BRWD1: variants seen among roughly 807,000 people sequenced by gnomAD.
BRWD1 encodes the protein bromodomain and WD repeat-containing protein 1.
BRWD1 carries 82 observed loss-of-function variants against 251.2 expected under a neutral mutation model. The observed-to-expected ratio is 0.33, with a 90% confidence interval of 0.27 to 0.39. The LOEUF (loss-of-function observed/expected upper bound fraction) is 0.39, where lower values mean the gene tolerates loss of function less well. BRWD1 is among the 10% of genes least tolerant of loss of function. BRWD1 has a pLI of 1.00. For synonymous variants in BRWD1, 918 were observed against 902.8 expected (o/e 1.02, Z -0.30); for missense variants, 2,233 against 2,711.6 (o/e 0.82, Z 3.92).
chr21:39,229,461 G>A, intron 25 of BRWD1, 25 bp from the exon 26 acceptor site: 1 of 1,577,642 alleles, frequency 6.3e-7, no homozygotes, highest in Non-Finnish European at 8.7e-7. Flanking sequence ...TTTTTTAATG[G>A]TTAAAATAAA....
intron 37 of BRWD1, among the ~76,000 whole-genome samples, chr21:39,205,001 C>T (rs577503511): frequency 6.6e-6 from 1 of 152,230 alleles, no homozygotes; most frequent in South Asian, 2.1e-4. Flanking sequence ...ACAAATGACA[C>T]TTTAAATAAT....
chr21:39,320,388 G>A (rs2036735607), intron 1 of BRWD1, among the ~76,000 whole-genome samples: 1 of 152,116 alleles, frequency 6.6e-6, no homozygotes, highest in East Asian at 1.9e-4. Context: ...AGGGTGGAGT[G>A]CAGTAGTGCA....
chr21:39,188,427 C>CT lies in BRWD1; in HGVS notation c.*7831dup. 1.0e-6 allele frequency: 1 copy of CT among 985,344 alleles called. No individual in the cohort carries two copies. Among genetic ancestry groups the CT allele is most frequent in the Non-Finnish European group, 1.2e-6 (1 of 829,876 alleles). 61.0% of individuals were successfully genotyped at this position (985,344 alleles called of 1,614,324 possible). A position where few individuals can be genotyped will look rare whatever the true frequency, so the allele number is the denominator to read the frequency against. On this transcript the variant is annotated 3_prime_UTR_variant, in exon 41 of 41. Transcript: ENST00000342449. ...GACATCTGGAGGACTCCACCACATT[C>CT]TTTTTACTACTAAGTACTAGAAAAT...
chr21:39,249,269 G>T (rs1217676683), intron 20 of BRWD1, among the ~76,000 whole-genome samples: 5 of 152,270 alleles, frequency 3.3e-5, no homozygotes, highest in South Asian at 4.1e-4. Flanking sequence ...TATTATCTGG[G>T]TAACAAAATA....
intron 5 of BRWD1, chr21:39,298,118 A>G: frequency 9.8e-7 from 1 of 1,021,552 alleles, no homozygotes; most frequent in Non-Finnish European, 1.2e-6. Flanking sequence ...ATTACATTCA[A>G]TGAAGTTATG....
intron 36 of BRWD1, among the ~76,000 whole-genome samples, chr21:39,207,451 AACACACACACACACAC>A (rs58765400): frequency 6.9e-5 from 9 of 131,288 alleles, no homozygotes; most frequent in African/African-American, 1.8e-4. Flanking sequence ...AAAAAAAGAA[AACACACACACACACAC>A]ACACACACAC....
chr21:39,301,807 A>C (rs1034501526), intron 4 of BRWD1, among the ~76,000 whole-genome samples: 1 of 151,948 alleles, frequency 6.6e-6, no homozygotes, highest in East Asian at 1.9e-4. Flanking sequence ...CCAGACCAAA[A>C]ACAACATTAT....
intron 6 of BRWD1, 117 bp from the exon 7 acceptor site, chr21:39,296,020 G>A: frequency 1.1e-6 from 1 of 872,750 alleles, no homozygotes; most frequent in Non-Finnish European, 1.6e-6. Context: ...AAGCCCTAAT[G>A]ACACAATTTC....
At chr21:39,212,362 A>G (rs2032698720) in intron 34 of BRWD1, among the ~76,000 whole-genome samples, 1 of 152,042 alleles carries the variant, frequency 6.6e-6, no homozygotes, top group Admixed American at 6.6e-5. Context: ...CAACCTCTAC[A>G]CCAGTCAGGT....
chr21:39,230,995 A>T (rs1197266557), intron 25 of BRWD1, among the ~76,000 whole-genome samples: 2 of 152,196 alleles, frequency 1.3e-5, no homozygotes, highest in Non-Finnish European at 2.9e-5. Context: ...AATAATGAGG[A>T]TGGACTGTAC....
In BRWD1 at chr21:39,264,682, G is replaced by A. The variant is rs758217928; in HGVS notation, c.1663C>T (p.Pro555Ser). 6.3e-7 allele frequency: 1 copy of A among 1,595,962 alleles called. No homozygotes were observed. The change falls in exon 17 of 41, where the codon CCT becomes TCT. Residue 555 changes from proline to serine, a missense_variant. Physicochemically the swap from Pro to Ser is moderately conservative, Grantham distance 74. Around this residue, in one of 12 missense-constraint regions of BRWD1, gnomAD observed 315 missense variants for 421.8 expected, o/e 0.75. Coordinates refer to ENST00000342449, the MANE Select transcript of BRWD1 (RefSeq NM_033656.4). ...FGCSKPYEKIPDQMFFHTDYR... is the reference protein window; with the variant it reads ...FGCSKPYEKISDQMFFHTDYR... ...TCAGTATGGAAGAACATCTGATCAGGAATCTAGAAAAATGAAGTTCACAGG... is the reference window on the plus strand; with the variant it reads ...TCAGTATGGAAGAACATCTGATCAGAAATCTAGAAAAATGAAGTTCACAGG...
chr21:39,270,328 G>C lies in BRWD1; in HGVS notation c.1350C>G (p.Leu450=), dbSNP rs763935356. The C allele has an allele frequency of 6.2e-7, 1 of 1,610,836 alleles. No individual in the cohort carries two copies. Among genetic ancestry groups the C allele is most frequent in the African/African-American group, 1.3e-5 (1 of 74,794 alleles). The part of the protein sequence containing the change: ...IVVTAVNDHV[L]KVWNSYTGQL... ...GTCCAGTGTAAGAATTCCACACTTT[G>C]AGGACATGATCATTCACAGCTGTGA... is the stretch of plus-strand genomic sequence containing the variant. Residue 450 remains leucine, a synonymous_variant, in exon 14 of 41, where the codon CTC becomes CTG. Transcript: ENST00000342449.
At chr21:39,315,783 C>G (rs570974207), upstream of BRWD1, 6 of 151,034 alleles carry the variant, frequency 4.0e-5, no homozygotes, top group South Asian at 1.3e-3. Flanking sequence ...GCTTTGCCAT[C>G]AAAGACTTCA....
intron 19 of BRWD1, 62 bp from the exon 20 acceptor site, chr21:39,250,951 A>C (rs1217279337): frequency 1.0e-6 from 1 of 992,662 alleles, no homozygotes; most frequent in Non-Finnish European, 1.5e-6. Context: ...AAGGATATAA[A>C]GAATAAAAAC....
chr21:39,309,749 C>T (rs989643114), intron 4 of BRWD1, among the ~76,000 whole-genome samples: 1 of 145,130 alleles, frequency 6.9e-6, no homozygotes, highest in African/African-American at 2.5e-5. Context: ...GGCGTGAATC[C>T]GGGAGGCGGA....
chr21:39,307,566 C>T (rs1398719661), intron 4 of BRWD1, among the ~76,000 whole-genome samples: 2 of 152,100 alleles, frequency 1.3e-5, no homozygotes, highest in East Asian at 3.8e-4. Flanking sequence ...TGGGTTATGA[C>T]TTAATTACCC....
Position 39,313,086 on chromosome 21 carries a change from G to A in BRWD1, c.124C>T (p.Leu42=), listed in dbSNP as rs954529820. Reference sequence around the variant, plus strand: ...CGCGCACAGACCTGGTACTGCTCCAGCTCCTGCACCAGCACCTGCGGCCGA... The same window carrying A: ...CGCGCACAGACCTGGTACTGCTCCAACTCCTGCACCAGCACCTGCGGCCGA... ...RRAAQVLVQE[L]EQYQLLPKRL... is the part of the protein sequence containing the mutation. The change falls in exon 3 of 41, where the codon CTG becomes TTG. Residue 42 remains leucine (L), a synonymous_variant. Transcript: ENST00000342449. 143 of 1,491,062 alleles carry A rather than the reference G, an allele frequency of 9.6e-5. No individual in the cohort carries two copies. The highest frequency in any genetic ancestry group is 4.7e-4 in the Middle Eastern group (2 of 4,282). The allele number at this position is 1,491,062 out of a possible 1,614,324, so 92.4% of individuals were successfully genotyped here.
At chr21:39,297,239 T>C (rs1343935615) in intron 5 of BRWD1, 1 of 985,362 alleles carries the variant, frequency 1.0e-6, no homozygotes, top group Admixed American at 6.1e-5. Context: ...GGCATCATAC[T>C]AAACCTCTAC....
intron 25 of BRWD1, among the ~76,000 whole-genome samples, chr21:39,230,615 T>G (rs1261010209): frequency 6.6e-6 from 1 of 152,190 alleles, no homozygotes; most frequent in East Asian, 1.9e-4. Context: ...GATACCTGAA[T>G]GAAGCTTATC....
Sources: allele counts gnomAD v4.1 joint callset (sites outside exome capture counted in the v4.1 genomes callset), GRCh38; gene constraint gnomAD v4.1.1; regional missense constraint gnomAD v4.1.1; transcripts MANE v1.5; gene names NCBI Gene and HGNC (gene_info 2026-07-23, HGNC 2026-07-21).